Variants in PLPP1 observed in about 807,000 individuals in gnomAD.
PLPP1 encodes lipid phosphate phosphohydrolase 1a.
A neutral mutation model predicts 31.2 loss-of-function variants in PLPP1; 24 were observed. That is an observed-to-expected ratio of 0.77 (90% CI 0.56 to 1.08). The LOEUF (loss-of-function observed/expected upper bound fraction) is 1.08. Among genes scored for constraint, PLPP1 ranks in the 50% least tolerant of loss-of-function variants. The probability of loss-of-function intolerance (pLI) is 0.00; values close to 1 mark genes in which losing one functional copy is unlikely to be tolerated. For synonymous variants in PLPP1, 146 were observed against 126.3 expected, an observed-to-expected ratio of 1.16 and a Z score of -1.05; for missense variants, 319 against 342.7, an observed-to-expected ratio of 0.93 and a Z score of 0.55.
intron 3 of PLPP1, among the ~76,000 whole-genome samples, chr5:55,446,461 C>T (rs1751767457): frequency 6.6e-6 from 1 of 152,140 alleles, no homozygotes; most frequent in Non-Finnish European, 1.5e-5. Flanking sequence ...TTTTCTATCT[C>T]CTCTTATTTT....
chr5:55,469,465 G>A (rs1245714468), intron 2 of PLPP1, among the ~76,000 whole-genome samples: 10 of 151,362 alleles, frequency 6.6e-5, no homozygotes, highest in African/African-American at 2.4e-4. Context: ...ACTCCAGCCT[G>A]GGTGCGACAC....
chr5:55,513,213 T>G (rs528039023), intron 1 of PLPP1, among the ~76,000 whole-genome samples: 2 of 151,628 alleles, frequency 1.3e-5, no homozygotes, highest in East Asian at 1.9e-4. Context: ...GTAAGGCCCA[T>G]ATTCCAAAGA....
At chr5:55,468,227 A>C in intron 2 of PLPP1, 78 bp from the exon 3 acceptor site, 1 of 1,325,314 alleles carries the variant, frequency 7.5e-7, no homozygotes. Context: ...GGGGGAAAAA[A>C]GGAAATGGTA....
In PLPP1 at chr5:55,526,354, T is replaced by C. The variant is rs1394223036; in HGVS notation, c.58+8218A>G. On this transcript the variant is annotated intron_variant, in intron 1 of 5. Transcript: ENST00000307259. ...TTTCTATATTTTATTCCAAGTAAGG[T>C]AAATTTAAGCTAAAACTCAGCTGAA... 2.0e-5 allele frequency among the ~76,000 whole-genome samples: 3 copies of C among 152,174 alleles called. No individual in the cohort carries two copies. In the East Asian group the frequency reaches 5.8e-4, roughly 29 times the overall value.
chr5:55,425,993 CG>C lies in PLPP1; in HGVS notation c.595del (p.Arg199AlafsTer31). On this transcript the variant is annotated frameshift_variant, in exon 5 of 6. Transcript: ENST00000307259. LOFTEE classifies it high-confidence loss of function. ...AACAAGACCAAATTGCAGTGTGGGG[CG>C]TAAGAGTCTTGCCCAGTCTCCCTTC... Reference protein sequence around the residue: ...RMKGDWARLLRPTLQFGLVAV... With the variant: ...RMKGDWARLLXPTLQFGLVAV... 2 of 1,612,686 alleles carry C rather than the reference CG, an allele frequency of 1.2e-6. No homozygotes were observed. Among genetic ancestry groups the C allele is most frequent in the Non-Finnish European group, 1.7e-6 (2 of 1,179,600 alleles).
chr5:55,516,497 C>T (rs1299485917), intron 1 of PLPP1, among the ~76,000 whole-genome samples: 1 of 152,174 alleles, frequency 6.6e-6, no homozygotes, highest in Non-Finnish European at 1.5e-5. Flanking sequence ...TAAGACAGTG[C>T]TTGGCACACA....
intron 1 of PLPP1, among the ~76,000 whole-genome samples, chr5:55,500,268 A>T (rs1397242199): frequency 2.0e-5 from 3 of 151,936 alleles, no homozygotes; most frequent in Non-Finnish European, 4.4e-5. Flanking sequence ...TTTAGTAGAG[A>T]CGGGGTTTCA....
chr5:55,505,631 A>G (rs1753257676), intron 1 of PLPP1, among the ~76,000 whole-genome samples: 1 of 152,248 alleles, frequency 6.6e-6, no homozygotes, highest in South Asian at 2.1e-4. Context: ...AATGAGTCAC[A>G]GGTCAAGAAA....
At chr5:55,458,911 A>G (rs1238544190) in intron 3 of PLPP1, among the ~76,000 whole-genome samples, 1 of 147,034 alleles carries the variant, frequency 6.8e-6, no homozygotes, top group South Asian at 2.2e-4. Context: ...AAAAAAAAAA[A>G]AAAAACACAT....
chr5:55,482,377 T>C (rs1178803255), intron 1 of PLPP1, among the ~76,000 whole-genome samples: 1 of 152,082 alleles, frequency 6.6e-6, no homozygotes, highest in Non-Finnish European at 1.5e-5. Flanking sequence ...GTAGTAGTCA[T>C]TATCAAACAT....
At chr5:55,472,230 A>T (rs927424198) in intron 2 of PLPP1, among the ~76,000 whole-genome samples, 7 of 152,204 alleles carry the variant, frequency 4.6e-5, no homozygotes, top group African/African-American at 1.7e-4. Context: ...GTTCTTTTTA[A>T]AGCAGTCTGC....
In PLPP1 at chr5:55,425,925, T is replaced by C; in HGVS notation, c.664A>G (p.Lys222Glu). ...GTCAACACATCGCTCCAGTGGTGTT[T>C]ATAATCAGAAACTCGAGAAAGGCCC... ...YVGLSRVSDY[K>E]HHWSDVLTGL... The change falls in exon 5 of 6, where the codon AAA (lysine) becomes GAA (glutamate). Residue 222 changes from lysine to glutamate, a missense_variant. Transcript: ENST00000307259. The C allele has an allele frequency of 6.2e-7, 1 of 1,614,026 alleles. No individual in the cohort carries two copies. Among genetic ancestry groups the C allele is most frequent in the Non-Finnish European group, 8.5e-7 (1 of 1,179,990 alleles).
At chr5:55,462,022 C>T (rs1419988864) in intron 3 of PLPP1, among the ~76,000 whole-genome samples, 2 of 151,848 alleles carry the variant, frequency 1.3e-5, no homozygotes, top group African/African-American at 4.8e-5. Flanking sequence ...AACTAAAAAA[C>T]ACTGGCATGA....
chr5:55,477,168 A>G (rs1752568675), intron 1 of PLPP1, among the ~76,000 whole-genome samples: 1 of 152,190 alleles, frequency 6.6e-6, no homozygotes, highest in Non-Finnish European at 1.5e-5. Flanking sequence ...AAAATGGCCA[A>G]GTTTTCAATA....
chr5:55,443,208 T>C (rs1311553016), intron 3 of PLPP1, among the ~76,000 whole-genome samples: 2 of 113,440 alleles, frequency 1.8e-5, no homozygotes, highest in African/African-American at 6.5e-5. Flanking sequence ...TATATATATA[T>C]ATATACACAC....
At chr5:55,453,675 T>C (rs1455650087) in intron 3 of PLPP1, among the ~76,000 whole-genome samples, 1 of 152,184 alleles carries the variant, frequency 6.6e-6, no homozygotes, top group Non-Finnish European at 1.5e-5. Flanking sequence ...TACCGTTGGC[T>C]CCCACCTGTA....
At chr5:55,527,753 G>C (rs1398590353) in intron 1 of PLPP1, among the ~76,000 whole-genome samples, 1 of 152,174 alleles carries the variant, frequency 6.6e-6, no homozygotes, top group Non-Finnish European at 1.5e-5. Flanking sequence ...CAGGTCTAAA[G>C]GGGCTAGGGA....
intron 3 of PLPP1, among the ~76,000 whole-genome samples, chr5:55,453,820 G>A (rs1962641): frequency 0.86 from 130,717 of 152,038 alleles, 56,583 homozygotes; most frequent in South Asian, 0.92. Flanking sequence ...ACACACCTAT[G>A]ATCCCAGCTT....
In PLPP1 at chr5:55,424,983, G is replaced by C. The variant is rs1751132511; in HGVS notation, c.*223C>G. The C allele has an allele frequency of 3.4e-5, 23 of 671,204 alleles. No individual in the cohort carries two copies. The South Asian group carries it at 4.9e-4, about 14-fold the overall frequency. 41.6% of individuals were successfully genotyped at this position (671,204 alleles called of 1,614,324 possible). ...TAAAAATGTATACAGGTGGGGCACT[G>C]TTTTGGTGGAAGGCTTGGAGTTTTT... is the stretch of plus-strand genomic sequence containing the variant. On this transcript the variant is annotated 3_prime_UTR_variant, in exon 6 of 6. Coordinates refer to ENST00000307259, the MANE Select transcript of PLPP1 (RefSeq NM_003711.4).
Sources: gnomAD v4.1 joint callset for allele counts (sites outside exome capture counted in the v4.1 genomes callset) on GRCh38, gnomAD v4.1.1 for gene constraint, MANE v1.5 for transcripts, NCBI Gene and HGNC (gene_info 2026-07-23, HGNC 2026-07-21) for gene names.